Variants in CCDC171 observed in about 807,000 individuals in gnomAD.
CCDC171 encodes coiled-coil domain-containing protein 171.
A neutral mutation model predicts 168.2 loss-of-function variants in CCDC171; 177 were observed. The ratio of observed to expected loss-of-function variants is 1.05; its 90% confidence interval spans 0.93 to 1.19. The LOEUF (loss-of-function observed/expected upper bound fraction) is 1.19. Among genes scored for constraint, CCDC171 ranks in the 50% most tolerant of loss-of-function variants. CCDC171 has a pLI of 0.00. For missense variants in CCDC171, 1,991 were observed against 1,539.0 expected, an observed-to-expected ratio of 1.29 and a Z score of -4.91; for synonymous variants, 687 against 540.8, an observed-to-expected ratio of 1.27 and a Z score of -3.75.
At chr9:15,679,913 A>G (rs915423484) in intron 10 of CCDC171, among the ~76,000 whole-genome samples, 1 of 152,136 alleles carries the variant, frequency 6.6e-6, no homozygotes, top group Admixed American at 6.6e-5. Flanking sequence ...TGCAATGACT[A>G]AAATGCTCCT....
intron 7 of CCDC171, among the ~76,000 whole-genome samples, chr9:15,623,978 T>G (rs2044809018): frequency 1.3e-5 from 2 of 152,210 alleles, no homozygotes; most frequent in Admixed American, 1.3e-4. Context: ...TTTTAAAATT[T>G]CTCTTTGCTT....
the CCDC171 span, among the ~76,000 whole-genome samples, chr9:16,087,542 G>A: frequency 6.4e-4 from 93 of 146,242 alleles, no homozygotes; most frequent in African/African-American, 2.3e-3. Flanking sequence ...TCAGAGACTA[G>A]GATTGCAACT....
intron 3 of CCDC171, among the ~76,000 whole-genome samples, chr9:15,997,714 C>CA (rs1832416017): frequency 6.6e-6 from 1 of 152,182 alleles, no homozygotes; most frequent in Non-Finnish European, 1.5e-5. Context: ...CAGGGAATTA[C>CA]CTGGTGGCAG....
chr9:15,650,140 A>G (rs1000114354), intron 7 of CCDC171, among the ~76,000 whole-genome samples: 4 of 152,222 alleles, frequency 2.6e-5, no homozygotes, highest in African/African-American at 4.8e-5. Flanking sequence ...TGAGCAAACT[A>G]TTGCAAGGAC....
At chr9:15,861,978 A>G (rs2061579446) in intron 23 of CCDC171, among the ~76,000 whole-genome samples, 1 of 151,860 alleles carries the variant, frequency 6.6e-6, no homozygotes, top group Non-Finnish European at 1.5e-5. Flanking sequence ...TGTTTCCTTC[A>G]TTTTTAAAGG....
chr9:15,884,127 AGAATTCCAGTGCTACTGGAG>A (rs1253308647), intron 24 of CCDC171, among the ~76,000 whole-genome samples: 1 of 152,140 alleles, frequency 6.6e-6, no homozygotes, highest in Non-Finnish European at 1.5e-5. Flanking sequence ...AGCACTGGAT[AGAATTCCAGTGCTACTGGAG>A]TTCTATCCTA....
intron 6 of CCDC171, among the ~76,000 whole-genome samples, chr9:15,607,635 C>T (rs1418848512): frequency 2.6e-5 from 4 of 151,802 alleles, no homozygotes; most frequent in African/African-American, 9.7e-5. Flanking sequence ...CTAATTTTTG[C>T]ATTTTTTAGT....
chr9:16,036,795 C>CTGAGA (rs1833478680), intron 8 of CCDC171, among the ~76,000 whole-genome samples: 1 of 152,196 alleles, frequency 6.6e-6, no homozygotes, highest in Non-Finnish European at 1.5e-5. Flanking sequence ...CTAGGAATAT[C>CTGAGA]TGAGATGAGA....
At chr9:15,628,184 G>C (rs959192941) in intron 7 of CCDC171, among the ~76,000 whole-genome samples, 1 of 152,146 alleles carries the variant, frequency 6.6e-6, no homozygotes. Context: ...GCGCAGGACA[G>C]TGGGTGCAGC....
intron 7 of CCDC171, among the ~76,000 whole-genome samples, chr9:15,655,920 C>T (rs1298388449): frequency 6.6e-6 from 1 of 152,034 alleles, no homozygotes; most frequent in Non-Finnish European, 1.5e-5. Context: ...CAGAAAATGA[C>T]CGTAGCAAGT....
intron 18 of CCDC171, among the ~76,000 whole-genome samples, chr9:15,766,724 T>C (rs1483979549): frequency 6.6e-6 from 1 of 150,842 alleles, no homozygotes; most frequent in African/African-American, 2.4e-5. Context: ...GGTGCAATCA[T>C]AGCTCACTGC....
At chr9:15,881,032 A>G (rs916450796) in intron 24 of CCDC171, among the ~76,000 whole-genome samples, 4 of 152,214 alleles carry the variant, frequency 2.6e-5, no homozygotes, top group Non-Finnish European at 2.9e-5. Flanking sequence ...TTCAGAATGT[A>G]AATTGTGCCA....
intron 21 of CCDC171, among the ~76,000 whole-genome samples, chr9:15,823,948 ATTCTTGT>A (rs2059905264): frequency 6.6e-6 from 1 of 152,130 alleles, no homozygotes; most frequent in African/African-American, 2.4e-5. Context: ...GAAAATATGC[ATTCTTGT>A]TTCTTGTCAT....
intron 1 of CCDC171, among the ~76,000 whole-genome samples, chr9:16,060,123 G>C (rs1356592335): frequency 6.6e-6 from 1 of 152,168 alleles, no homozygotes; most frequent in East Asian, 1.9e-4. Flanking sequence ...TTGTGTATTA[G>C]TTTTTCTCCT....
chr9:15,928,079 C>T (rs1826086263), intron 25 of CCDC171, among the ~76,000 whole-genome samples: 1 of 151,644 alleles, frequency 6.6e-6, no homozygotes, highest in Non-Finnish European at 1.5e-5. Context: ...AGAAACCAAT[C>T]AGATTACAAG....
At chr9:15,568,502 C>A (rs1002734942) in intron 2 of CCDC171, among the ~76,000 whole-genome samples, 29 of 152,286 alleles carry the variant, frequency 1.9e-4, no homozygotes, top group African/African-American at 6.7e-4. Flanking sequence ...GATCTCCTGA[C>A]CTCGTGATCC....
At chr9:16,032,963 A>G (rs78860336) in intron 6 of CCDC171, among the ~76,000 whole-genome samples, 8,050 of 152,236 alleles carry the variant, frequency 0.053, 702 homozygotes, top group African/African-American at 0.18. Context: ...CCCAAGATCC[A>G]CATTCTTAGG....
chr9:16,008,359 G>T (rs1012092351), intron 3 of CCDC171, among the ~76,000 whole-genome samples: 1 of 152,100 alleles, frequency 6.6e-6, no homozygotes, highest in East Asian at 1.9e-4. Flanking sequence ...AATGGTTGTG[G>T]CACCATACTA....
At chr9:16,071,240 A>C in the CCDC171 span, among the ~76,000 whole-genome samples, 3 of 152,236 alleles carry the variant, frequency 2.0e-5, no homozygotes, top group Non-Finnish European at 1.5e-5. Flanking sequence ...TCATGCTGCT[A>C]ACCAAGACAT....
Sources: gnomAD v4.1 joint callset for allele counts (sites outside exome capture counted in the v4.1 genomes callset) on GRCh38, gnomAD v4.1.1 for gene constraint, MANE v1.5 for transcripts, NCBI Gene and HGNC (gene_info 2026-07-23, HGNC 2026-07-21) for gene names.